The following ZEB1 variants were observed in gnomAD, a reference collection of about 807,000 sequenced individuals.
ZEB1 encodes zinc finger E-box binding homeobox 1, also known as zinc finger E-box-binding homeobox 1.
Under a neutral mutation model 84.9 loss-of-function variants are expected in ZEB1, and 21 were observed. The ratio of observed to expected loss-of-function variants is 0.25; its 90% CI spans 0.18 to 0.36. The LOEUF (loss-of-function observed/expected upper bound fraction) is 0.36, where lower values mean the gene tolerates loss of function less well. Among genes scored for constraint, ZEB1 ranks in the 10% least tolerant of loss-of-function variants. The pLI is 1.00. For synonymous variants in ZEB1, 420 were observed against 471.1 expected, an observed-to-expected ratio of 0.89 and a Z score of 1.41; for missense variants, 1,104 against 1,330.2, an observed-to-expected ratio of 0.83 and a Z score of 2.65.
At chr10:31,323,324 C>A (rs1019765132) in intron 1 of ZEB1, among the ~76,000 whole-genome samples, 9 of 151,572 alleles carry the variant, frequency 5.9e-5, no homozygotes, top group African/African-American at 2.2e-4. Flanking sequence ...CTAAAATGGT[C>A]AAAGTTTAAG....
chr10:31,517,572 G>A (rs766539171), intron 6 of ZEB1, among the ~76,000 whole-genome samples: 1 of 150,814 alleles, frequency 6.6e-6, no homozygotes, highest in Non-Finnish European at 1.5e-5. Flanking sequence ...GTAACCTTCA[G>A]GCTAAAATAC....
chr10:31,319,309 A>C lies in ZEB1; in HGVS notation c.58+17A>C, dbSNP rs1325647198. On this transcript the variant is annotated intron_variant, in intron 1 of 8. Transcript: ENST00000424869. The stretch of plus-strand genomic sequence containing the variant: ...GCAATAACGGTGAGTGGCGGAGGGG[A>C]CCGGGGAGCGGCGGAGTCAGGGGGA... The C allele has an allele frequency of 6.2e-7, 1 of 1,602,258 alleles. No individual in the cohort carries two copies. Among genetic ancestry groups the C allele is most frequent in the Non-Finnish European group, 8.5e-7 (1 of 1,175,842 alleles).
intron 1 of ZEB1, among the ~76,000 whole-genome samples, chr10:31,329,828 T>C (rs2036381719): frequency 6.6e-6 from 1 of 152,172 alleles, no homozygotes; most frequent in Non-Finnish European, 1.5e-5. Context: ...GTGTATGTAT[T>C]GGCCACTTGT....
chr10:31,510,898 C>G, intron 5 of ZEB1, 23 bp downstream of exon 5: 2 of 1,609,758 alleles, frequency 1.2e-6, no homozygotes, highest in Non-Finnish European at 8.5e-7. Context: ...ACTGAGAGTT[C>G]ACTAACTTTC....
chr10:31,502,075 A>G (rs748471864), intron 3 of ZEB1, among the ~76,000 whole-genome samples: 28 of 152,176 alleles, frequency 1.8e-4, no homozygotes, highest in Non-Finnish European at 4.0e-4. Context: ...TCTGTGTTTT[A>G]TTAGTAAAAT....
At chr10:31,462,198 G>C (rs1564963724) in intron 2 of ZEB1, among the ~76,000 whole-genome samples, 1 of 152,134 alleles carries the variant, frequency 6.6e-6, no homozygotes, top group Non-Finnish European at 1.5e-5. Flanking sequence ...TAAAAGCTCA[G>C]ATAATAGGCA....
chr10:31,527,206 G>A lies in ZEB1; in HGVS notation c.3320G>A (p.Gly1107Glu). ...GCTGAAAGTCAAGCAAGCAGCTTAG[G>A]ACAAAAAGTAGGCGAGAGTAGTGAG... ...DRAESQASSLGQKVGESSEQV... is the reference protein window; with the variant it reads ...DRAESQASSLEQKVGESSEQV... The change falls in exon 9 of 9, where the codon GGA becomes GAA. Residue 1107 changes from glycine (G) to glutamate (E), a missense_variant. Around this residue, in one of 7 missense-constraint regions of ZEB1, gnomAD observed 173 missense variants for 167.0 expected, o/e 1.04. Coordinates refer to ENST00000424869, the MANE Select transcript of ZEB1 (RefSeq NM_001174096.2). 1.2e-6 allele frequency: 2 copies of A among 1,611,620 alleles called. No individual in the cohort carries two copies. Among genetic ancestry groups the A allele is most frequent in the East Asian group, 2.2e-5 (1 of 44,614 alleles).
upstream of ZEB1, chr10:31,319,193 G>A (rs746841499): frequency 5.3e-6 from 8 of 1,507,582 alleles, no homozygotes; most frequent in Non-Finnish European, 7.2e-6. Flanking sequence ...GGGAGGGAGG[G>A]GGAGGAGGTG....
At chr10:31,354,009 T>C (rs1016105342) in intron 1 of ZEB1, among the ~76,000 whole-genome samples, 16 of 152,320 alleles carry the variant, frequency 1.1e-4, no homozygotes, top group Non-Finnish European at 1.3e-4. Context: ...AACTTTTGGA[T>C]GCTAGTGATT....
intron 1 of ZEB1, among the ~76,000 whole-genome samples, chr10:31,393,897 C>G: frequency 6.6e-6 from 1 of 152,128 alleles, no homozygotes; most frequent in East Asian, 1.9e-4. Context: ...ATCATTTATA[C>G]TGGAGTACTT....
intron 3 of ZEB1, among the ~76,000 whole-genome samples, chr10:31,496,431 C>T (rs2067248087): frequency 6.6e-6 from 1 of 151,744 alleles, no homozygotes; most frequent in South Asian, 2.1e-4. Flanking sequence ...GTACATATTC[C>T]CTGAAACTTA....
Position 31,331,081 on chromosome 10 carries a change from C to CTTTTTTTTT in ZEB1, c.58+11807_58+11815dup, listed in dbSNP as rs548615284. Among the ~76,000 whole-genome samples, 110 of 77,840 alleles carry CTTTTTTTTT rather than the reference C, an allele frequency of 1.4e-3. 3 individuals are homozygous for CTTTTTTTTT. Among genetic ancestry groups the CTTTTTTTTT allele is most frequent in the African/African-American group, 3.3e-3 (57 of 17,520 alleles). The allele number at this position is 77,840 out of a possible 152,430, so 51.1% of individuals were successfully genotyped here. ...ATTTTCTTTTCTTTTTTCTTTCTTT[C>CTTTTTTTTT]TTTTTTTTTTTTTTTTTTTTTTTTT... On this transcript the variant is annotated intron_variant, in intron 1 of 8. Coordinates refer to ENST00000424869, the MANE Select transcript of ZEB1 (RefSeq NM_001174096.2).
At chr10:31,502,014 T>G (rs2068218905) in intron 3 of ZEB1, among the ~76,000 whole-genome samples, 1 of 152,194 alleles carries the variant, frequency 6.6e-6, no homozygotes, top group African/African-American at 2.4e-5. Context: ...TAAAGTTTTT[T>G]TCTTGCTTTA....
At chr10:31,339,935 A>G (rs555055171) in intron 1 of ZEB1, among the ~76,000 whole-genome samples, 1 of 152,234 alleles carries the variant, frequency 6.6e-6, no homozygotes, top group East Asian at 1.9e-4. Context: ...AGGAGGTCAT[A>G]TAATATATGG....
chr10:31,415,484 A>G (rs933428497), intron 1 of ZEB1, among the ~76,000 whole-genome samples: 2 of 152,054 alleles, frequency 1.3e-5, no homozygotes, highest in African/African-American at 2.4e-5. Flanking sequence ...TTCGTTTTCT[A>G]ATTTTTCTCA....
chr10:31,398,262 A>G (rs1306390740), intron 1 of ZEB1, among the ~76,000 whole-genome samples: 1 of 152,156 alleles, frequency 6.6e-6, no homozygotes, highest in Non-Finnish European at 1.5e-5. Context: ...TATACTATTC[A>G]TTGGTTTATT....
At chr10:31,451,165 T>C (rs959027360) in intron 1 of ZEB1, among the ~76,000 whole-genome samples, 27 of 152,214 alleles carry the variant, frequency 1.8e-4, no homozygotes, top group Non-Finnish European at 7.3e-5. Flanking sequence ...TATAATACAG[T>C]GATAATTATT....
intron 2 of ZEB1, among the ~76,000 whole-genome samples, chr10:31,468,814 T>C (rs1370827664): frequency 1.3e-5 from 2 of 151,954 alleles, no homozygotes; most frequent in Non-Finnish European, 2.9e-5. Flanking sequence ...AAATAATAAG[T>C]GCCAGCTTCT....
At chr10:31,459,376 CTAAG>C (rs778058452) in intron 1 of ZEB1, among the ~76,000 whole-genome samples, 5 of 151,906 alleles carry the variant, frequency 3.3e-5, no homozygotes, top group African/African-American at 4.8e-5. Flanking sequence ...TGTGTTACAA[CTAAG>C]TAAGAAAAGT....
Sources: gnomAD v4.1 joint callset for allele counts (sites outside exome capture counted in the v4.1 genomes callset) on GRCh38, gnomAD v4.1.1 for gene constraint, gnomAD v4.1.1 regional missense constraint, MANE v1.5 for transcripts, NCBI Gene and HGNC (gene_info 2026-07-23, HGNC 2026-07-21) for gene names.